The following SEC24B variants were observed in gnomAD, a reference collection of about 807,000 sequenced individuals.
SEC24B encodes the protein protein transport protein Sec24B.
Under a neutral mutation model 142.8 loss-of-function variants are expected in SEC24B, and 45 were observed. That is an observed-to-expected ratio of 0.32 (90% CI 0.25 to 0.40). The LOEUF (loss-of-function observed/expected upper bound fraction) is 0.40. Ranked by LOEUF, SEC24B falls within the 10% of genes least tolerant of loss-of-function variation. The pLI is 1.00. For missense variants in SEC24B, 1,409 were observed against 1,526.8 expected (o/e 0.92, Z 1.29); for synonymous variants, 574 against 568.2 (o/e 1.01, Z -0.15).
At position 109,433,829 on chromosome 4, in the gene SEC24B, C is replaced by A; in HGVS notation, c.-41C>A. ...GGCCCCGCCTTCCCTTCCCTCCGCCCACCTCCCTGAAGCGGAGCCGCCGTC... is the reference window on the plus strand; with the variant it reads ...GGCCCCGCCTTCCCTTCCCTCCGCCAACCTCCCTGAAGCGGAGCCGCCGTC... On this transcript the variant is annotated 5_prime_UTR_variant, in exon 1 of 24. Coordinates refer to ENST00000265175, the MANE Select transcript of SEC24B (RefSeq NM_006323.5). 8.0e-7 allele frequency: 1 copy of A among 1,250,282 alleles called. No homozygotes were observed. The highest frequency in any genetic ancestry group is 2.6e-5 in the South Asian group (1 of 38,834). The allele number at this position is 1,250,282 out of a possible 1,614,324, so 77.4% of individuals were successfully genotyped here.
intron 2 of SEC24B, among the ~76,000 whole-genome samples, chr4:109,465,828 T>A (rs1479603083): frequency 6.6e-6 from 1 of 152,218 alleles, no homozygotes; most frequent in Non-Finnish European, 1.5e-5. Flanking sequence ...TTTGAGTAAC[T>A]GCTCTAATGG....
At chr4:109,471,280 A>G (rs1732497561) in intron 2 of SEC24B, among the ~76,000 whole-genome samples, 1 of 151,946 alleles carries the variant, frequency 6.6e-6, no homozygotes, top group South Asian at 2.1e-4. Flanking sequence ...GTGGCTGAGG[A>G]CCACAGATGC....
chr4:109,456,335 T>TTC (rs1265069588), intron 1 of SEC24B, among the ~76,000 whole-genome samples: 70 of 61,302 alleles, frequency 1.1e-3, no homozygotes, highest in African/African-American at 4.3e-3. Flanking sequence ...GTTTTTTTTG[T>TTC]TTTTTTTTTT....
intron 1 of SEC24B, among the ~76,000 whole-genome samples, chr4:109,434,629 C>T (rs1170974841): frequency 6.6e-6 from 1 of 152,246 alleles, no homozygotes; most frequent in Non-Finnish European, 1.5e-5. Flanking sequence ...AGTTCGGCCT[C>T]AAGAACTGTC....
chr4:109,433,875 G>A lies in SEC24B; in HGVS notation c.6G>A (p.Ser2=). 2 of 1,334,338 alleles carry A rather than the reference G, an allele frequency of 1.5e-6. No homozygotes were observed. Among genetic ancestry groups the A allele is most frequent in the Non-Finnish European group, 1.9e-6 (2 of 1,039,554 alleles). 82.7% of individuals were successfully genotyped at this position (1,334,338 alleles called of 1,614,324 possible). ...CCGTCGCCACCAGCGCCGTCATGTCGGCCCCCGCCGGGTCCTCTCACCCGG... is the reference window on the plus strand; with the variant it reads ...CCGTCGCCACCAGCGCCGTCATGTCAGCCCCCGCCGGGTCCTCTCACCCGG... M[S]APAGSSHPAA... The change falls in exon 1 of 24, where the codon TCG becomes TCA. Residue 2 remains serine, a synonymous_variant. Transcript: ENST00000265175.
Position 109,539,542 on chromosome 4 carries a change from GC to G in SEC24B, c.3693-16del. The G allele has an allele frequency of 6.7e-7, 1 of 1,488,530 alleles. No homozygotes were observed. The highest frequency in any genetic ancestry group is 2.3e-5 in the East Asian group (1 of 44,284). 92.2% of individuals were successfully genotyped at this position (1,488,530 alleles called of 1,614,324 possible). On this transcript the variant is annotated intron_variant, in intron 23 of 23. Transcript: ENST00000265175. ...GGCTTTTAAATACGTTTAGACAAAT[GC>G]CCTTTTCTTTCTTCCAGAGATGAGA...
chr4:109,467,965 A>C (rs1282236549), intron 2 of SEC24B, among the ~76,000 whole-genome samples: 1 of 152,228 alleles, frequency 6.6e-6, no homozygotes, highest in Non-Finnish European at 1.5e-5. Flanking sequence ...TATAATTCTT[A>C]AATAAAAGTC....
intron 14 of SEC24B, 89 bp from the exon 15 acceptor site, chr4:109,524,729 A>G (rs2126080283): frequency 8.3e-7 from 1 of 1,199,970 alleles, no homozygotes; most frequent in East Asian, 2.5e-5. Flanking sequence ...TTTGGTAGGG[A>G]GGCAGAGGAT....
intron 2 of SEC24B, among the ~76,000 whole-genome samples, chr4:109,472,101 C>G (rs1489584776): frequency 3.3e-5 from 5 of 152,166 alleles, no homozygotes; most frequent in Non-Finnish European, 7.4e-5. Flanking sequence ...ACATATAACA[C>G]ATTTTGTTTT....
chr4:109,446,965 A>G (rs986950165), intron 1 of SEC24B, among the ~76,000 whole-genome samples: 4 of 152,230 alleles, frequency 2.6e-5, no homozygotes, highest in Non-Finnish European at 4.4e-5. Flanking sequence ...AGAATTTACA[A>G]TTAGACAATT....
At chr4:109,452,619 T>C (rs1231252271) in intron 1 of SEC24B, among the ~76,000 whole-genome samples, 1 of 152,256 alleles carries the variant, frequency 6.6e-6, no homozygotes, top group Non-Finnish European at 1.5e-5. Flanking sequence ...CTTGTTGTAA[T>C]TTAATTTGTA....
intron 18 of SEC24B, 101 bp from the exon 19 acceptor site, chr4:109,530,188 A>T (rs1724741520): frequency 2.0e-6 from 2 of 989,024 alleles, no homozygotes; most frequent in Non-Finnish European, 2.9e-6. Flanking sequence ...CTAAAAACTT[A>T]GCTGAATTTT....
At chr4:109,464,504 G>C (rs184644448) in intron 2 of SEC24B, among the ~76,000 whole-genome samples, 1 of 152,108 alleles carries the variant, frequency 6.6e-6, no homozygotes, top group Admixed American at 6.5e-5. Flanking sequence ...GAACACGCGA[G>C]CTACTGTGCC....
intron 10 of SEC24B, among the ~76,000 whole-genome samples, chr4:109,515,347 G>C (rs1054580719): frequency 6.6e-6 from 1 of 151,998 alleles, no homozygotes; most frequent in Non-Finnish European, 1.5e-5. Flanking sequence ...GTAATCCACC[G>C]GCCTCAGCCT....
At chr4:109,435,691 A>T (rs1158519319) in intron 1 of SEC24B, among the ~76,000 whole-genome samples, 1 of 152,254 alleles carries the variant, frequency 6.6e-6, no homozygotes, top group Non-Finnish European at 1.5e-5. Flanking sequence ...ATGATGCTTG[A>T]GTTCTCTTGT....
intron 6 of SEC24B, among the ~76,000 whole-genome samples, chr4:109,500,582 A>T (rs1233681325): frequency 6.6e-6 from 1 of 151,694 alleles, no homozygotes; most frequent in Non-Finnish European, 1.5e-5. Flanking sequence ...CCACAGTTAC[A>T]TTTGCACCAA....
chr4:109,462,762 T>C, intron 1 of SEC24B, 139 bp from the exon 2 acceptor site: 1 of 684,634 alleles, frequency 1.5e-6, no homozygotes. Context: ...GCTACCATAA[T>C]GGGTCTATAA....
intron 9 of SEC24B, among the ~76,000 whole-genome samples, chr4:109,512,450 A>G (rs1247426082): frequency 6.6e-6 from 1 of 152,128 alleles, no homozygotes. Context: ...ATGCATGTAT[A>G]TATGTCTGTC....
chr4:109,438,203 A>G (rs530062800), intron 1 of SEC24B, among the ~76,000 whole-genome samples: 146 of 152,238 alleles, frequency 9.6e-4, no homozygotes, highest in Non-Finnish European at 1.8e-3. Context: ...AGAGCCTAGA[A>G]CAGTATAGGC....
Sources: gnomAD v4.1 joint callset for allele counts (sites outside exome capture counted in the v4.1 genomes callset) on GRCh38, gnomAD v4.1.1 for gene constraint, MANE v1.5 for transcripts, NCBI Gene and HGNC (gene_info 2026-07-23, HGNC 2026-07-21) for gene names.